Variants in GEMIN8 observed in about 807,000 individuals in gnomAD.
GEMIN8 encodes gem-associated protein 8.
For synonymous variants in GEMIN8, 80 were observed against 78.5 expected (o/e 1.02, Z -0.10); for missense variants, 185 against 205.9 (o/e 0.90, Z 0.62).
chrX:13,991,990 T>C, the GEMIN8 span, among the ~76,000 whole-genome samples: 10 of 112,025 alleles, frequency 8.9e-5, no homozygotes, highest in African/African-American at 3.2e-4. Flanking sequence ...GACTCCAAAA[T>C]GTCAGTGGCT....
intron 4 of GEMIN8, chrX:14,014,345 CTG>C: frequency 1.3e-6 from 1 of 752,383 alleles, no homozygotes; most frequent in African/African-American, 2.3e-5. Context: ...GCCAGCAGAA[CTG>C]GAGCCATTTC....
chrX:14,026,204 T>C lies in GEMIN8; in HGVS notation c.-98A>G. 1.3e-6 allele frequency: 1 copy of C among 751,169 alleles called. No homozygotes were observed. Among genetic ancestry groups the C allele is most frequent in the Non-Finnish European group, 1.6e-6 (1 of 636,291 alleles). 61.9% of individuals were successfully genotyped at this position (751,169 alleles called of 1,213,427 possible). A position where few individuals can be genotyped will look rare whatever the true frequency, so the allele number is the denominator to read the frequency against. On this transcript the variant is annotated 5_prime_UTR_variant, in exon 2 of 5. Transcript: ENST00000680255. ...TTCAGGGACTGAACAGTAACTTTTC[T>C]CCAATGGGCTGGTGGAGCTGAAAGA... is the stretch of plus-strand genomic sequence containing the variant.
rs752865102 is a variant in GEMIN8, at chrX:14,019,813, TAG to T, written c.472+263_472+264del. 4.7e-4 allele frequency among the ~76,000 whole-genome samples: 52 copies of T among 110,738 alleles called. 1 individual carries two copies. The highest frequency in any genetic ancestry group is 3.5e-3 in the Admixed American group (36 of 10,378). On this transcript the variant is annotated intron_variant, in intron 4 of 4. Coordinates refer to ENST00000680255, the MANE Select transcript of GEMIN8 (RefSeq NM_001042479.2). ...ATGCATGCATACACACTCCATTTGG[TAG>T]AGTGTCTAATGGTTAATAAATAGTA...
chrX:14,002,096 G>T (rs866733458), downstream of GEMIN8, among the ~76,000 whole-genome samples: 10 of 24,498 alleles, frequency 4.1e-4, no homozygotes, highest in African/African-American at 1.9e-3. Flanking sequence ...CTGCACTCCA[G>T]CAAAAAAAAA....
chrX:13,995,790 G>T, the GEMIN8 span, among the ~76,000 whole-genome samples: 1 of 111,515 alleles, frequency 9.0e-6, no homozygotes, highest in Non-Finnish European at 1.9e-5. Context: ...CCACTTGGAG[G>T]ATACAGGATG....
chrX:14,016,832 A>C (rs1923934335), intron 4 of GEMIN8, among the ~76,000 whole-genome samples: 1 of 85,143 alleles, frequency 1.2e-5, no homozygotes, highest in Non-Finnish European at 2.2e-5. Flanking sequence ...GTGACAGAGT[A>C]AGAATCTGTC....
At chrX:13,993,441 CTT>C in the GEMIN8 span, among the ~76,000 whole-genome samples, 17,594 of 90,463 alleles carry the variant, frequency 0.19, 1,488 homozygotes, top group South Asian at 0.26. Flanking sequence ...GTTGTGTATA[CTT>C]TTTTTTTTTT....
the GEMIN8 span, among the ~76,000 whole-genome samples, chrX:13,994,145 C>T: frequency 3.6e-5 from 4 of 111,930 alleles, no homozygotes; most frequent in Non-Finnish European, 7.5e-5. Flanking sequence ...CGATGACCAG[C>T]GATTCTGCTT....
At chrX:14,009,256 C>T in intron 4 of GEMIN8, 87 bp from the exon 5 acceptor site, 1 of 943,546 alleles carries the variant, frequency 1.1e-6, no homozygotes, top group Middle Eastern at 2.8e-4. Context: ...TGCTGCTGGC[C>T]ATGCCATCTG....
At chrX:14,013,941 G>T in intron 4 of GEMIN8, 1 of 716,680 alleles carries the variant, frequency 1.4e-6, no homozygotes, top group Non-Finnish European at 1.7e-6. Context: ...CTGGGTTCAG[G>T]ATACATAATC....
chrX:14,001,391 C>T, the GEMIN8 span, among the ~76,000 whole-genome samples: 26 of 112,521 alleles, frequency 2.3e-4, no homozygotes, highest in African/African-American at 4.2e-4. Flanking sequence ...GTCTAACACT[C>T]GGTCCATACT....
the GEMIN8 span, among the ~76,000 whole-genome samples, chrX:13,998,971 T>G: frequency 2.9e-4 from 33 of 112,280 alleles, 1 homozygote; most frequent in South Asian, 6.6e-3. Context: ...GAAAAAAGGC[T>G]TTGTAAAGTC....
chrX:14,007,781 C>T lies in GEMIN8; in HGVS notation c.*1132G>A, dbSNP rs768647110. On this transcript the variant is annotated 3_prime_UTR_variant, in exon 5 of 5. Transcript: ENST00000680255. ...TGATCTCGTGATCTGCCCACCTCAGCCTCCCAAAGTGCTGGGATTACAGGC... is the reference window on the plus strand; with the variant it reads ...TGATCTCGTGATCTGCCCACCTCAGTCTCCCAAAGTGCTGGGATTACAGGC... 3.8e-4 allele frequency among the ~76,000 whole-genome samples: 42 copies of T among 110,871 alleles called. No homozygotes were observed. The highest frequency in any genetic ancestry group is 7.2e-4 in the Non-Finnish European group (38 of 52,973).
intron 4 of GEMIN8, among the ~76,000 whole-genome samples, chrX:14,010,126 ATAGGTTGGCC>A (rs2147116659): frequency 8.9e-6 from 1 of 112,308 alleles, no homozygotes; most frequent in African/African-American, 3.2e-5. Context: ...TTTCCACTTC[ATAGGTTGGCC>A]TAGGTTAAAC....
At chrX:14,021,814 G>GTATATATATATATATATATATA (rs147147045) in intron 2 of GEMIN8, among the ~76,000 whole-genome samples, 5 of 78,283 alleles carry the variant, frequency 6.4e-5, no homozygotes, top group African/African-American at 2.1e-4. Context: ...TAATGTGTGT[G>GTATATATATATATATATATATA]TATATATATA....
chrX:14,029,211 C>G (rs1339900401), intron 1 of GEMIN8, among the ~76,000 whole-genome samples: 1 of 112,107 alleles, frequency 8.9e-6, no homozygotes, highest in Non-Finnish European at 1.9e-5. Flanking sequence ...CCAGATGTCT[C>G]AAGATAACTC....
At chrX:13,996,239 T>C in the GEMIN8 span, among the ~76,000 whole-genome samples, 1 of 112,180 alleles carries the variant, frequency 8.9e-6, no homozygotes, top group Non-Finnish European at 1.9e-5. Flanking sequence ...TTAAGTATAA[T>C]ATTGAATTGA....
the GEMIN8 span, among the ~76,000 whole-genome samples, chrX:13,992,016 T>A: frequency 1.8e-5 from 2 of 112,128 alleles, no homozygotes; most frequent in Admixed American, 9.5e-5. Context: ...CAGCAAAGAT[T>A]TATTTCTTGC....
intron 4 of GEMIN8, among the ~76,000 whole-genome samples, chrX:14,012,544 G>A (rs1923629405): frequency 9.0e-6 from 1 of 111,332 alleles, no homozygotes; most frequent in African/African-American, 3.3e-5. Flanking sequence ...AGGGCAAGAA[G>A]CCTGTCACCT....
Sources: gnomAD v4.1 joint callset for allele counts (sites outside exome capture counted in the v4.1 genomes callset) on GRCh38, gnomAD v4.1.1 for gene constraint, MANE v1.5 for transcripts, NCBI Gene and HGNC (gene_info 2026-07-23, HGNC 2026-07-21) for gene names.